The following NSUN6 variants were observed in gnomAD, a reference collection of about 807,000 sequenced individuals.
NSUN6 encodes the protein tRNA (cytosine(72)-C(5))-methyltransferase NSUN6.
NSUN6 carries 64 observed loss-of-function variants against 58.0 expected under a neutral mutation model. The ratio of observed to expected loss-of-function variants is 1.10; its 90% CI spans 0.90 to 1.36. The LOEUF (loss-of-function observed/expected upper bound fraction) is 1.36. Among genes scored for constraint, NSUN6 ranks in the 40% most tolerant of loss-of-function variants. The pLI is 0.00. For missense variants in NSUN6, 701 were observed against 550.1 expected (o/e 1.27, Z -2.74); for synonymous variants, 231 against 193.9 (o/e 1.19, Z -1.59).
At chr10:18,647,787 T>C (rs996768111) in intron 2 of NSUN6, among the ~76,000 whole-genome samples, 1 of 138,896 alleles carries the variant, frequency 7.2e-6, no homozygotes, top group South Asian at 2.3e-4. Flanking sequence ...CAGGCTGGAG[T>C]GCAGTCATGC....
chr10:18,623,837 G>A (rs12778035), intron 3 of NSUN6, among the ~76,000 whole-genome samples: 1 of 151,930 alleles, frequency 6.6e-6, no homozygotes, highest in African/African-American at 2.4e-5. Flanking sequence ...AGAGAGCCTC[G>A]GCTCTGCTCA....
At chr10:18,577,162 T>C (rs944290737) in intron 8 of NSUN6, among the ~76,000 whole-genome samples, 3 of 152,172 alleles carry the variant, frequency 2.0e-5, no homozygotes, top group African/African-American at 7.2e-5. Context: ...ACTAGCCAGA[T>C]AGCTTGGGAA....
chr10:18,630,834 A>G (rs530170693), intron 3 of NSUN6, among the ~76,000 whole-genome samples: 1,990 of 152,246 alleles, frequency 0.013, 28 homozygotes, highest in Admixed American at 0.021. Flanking sequence ...ACAAGGAGGA[A>G]CTGGTACCAT....
intron 8 of NSUN6, among the ~76,000 whole-genome samples, chr10:18,566,388 CCA>C (rs1328020474): frequency 9.9e-5 from 15 of 151,160 alleles, no homozygotes; most frequent in East Asian, 3.9e-4. Flanking sequence ...ATTCTCCATT[CCA>C]TTCTCCATTC....
At chr10:18,558,090 ATGGAGAATGGAATAGAGTGGAATGGAC>A (rs2055183228) in intron 8 of NSUN6, among the ~76,000 whole-genome samples, 1 of 150,972 alleles carries the variant, frequency 6.6e-6, no homozygotes, top group Non-Finnish European at 1.5e-5. Flanking sequence ...GGAATGAAGA[ATGGAGAATGGAATAGAGTGGAATGGAC>A]TGGAGAATGG....
chr10:18,617,583 T>G (rs2058458751), intron 3 of NSUN6, among the ~76,000 whole-genome samples: 1 of 152,124 alleles, frequency 6.6e-6, no homozygotes, highest in Non-Finnish European at 1.5e-5. Context: ...CAATAATCAG[T>G]TTTCCCTCAT....
chr10:18,583,725 A>T (rs967048471), intron 8 of NSUN6, among the ~76,000 whole-genome samples: 1 of 152,208 alleles, frequency 6.6e-6, no homozygotes, highest in Non-Finnish European at 1.5e-5. Context: ...TGAAAGTACA[A>T]TTCTTAAAAA....
rs1454619979 is a variant in NSUN6, at chr10:18,622,730, C to T, written c.312-6437G>A. ...GCCTTGGGGGGAAAAAGATGGAAATCGAGTAGGCTGAAAGAGAAGACAAAT... is the reference window on the plus strand; with the variant it reads ...GCCTTGGGGGGAAAAAGATGGAAATTGAGTAGGCTGAAAGAGAAGACAAAT... On this transcript the variant is annotated intron_variant, in intron 3 of 10. Coordinates refer to ENST00000377304, the MANE Select transcript of NSUN6 (RefSeq NM_182543.5). Among the ~76,000 whole-genome samples the T allele has an allele frequency of 4.6e-5, 7 of 152,012 alleles. 1 individual carries two copies. Among genetic ancestry groups the T allele is most frequent in the Admixed American group, 2.6e-4 (4 of 15,268 alleles).
At chr10:18,620,084 A>T (rs934169154) in intron 3 of NSUN6, among the ~76,000 whole-genome samples, 1 of 104,992 alleles carries the variant, frequency 9.5e-6, no homozygotes, top group African/African-American at 3.7e-5. Flanking sequence ...TTTTACTAAT[A>T]AAAAAAATTT....
chr10:18,577,536 C>G (rs1261443000), intron 8 of NSUN6, among the ~76,000 whole-genome samples: 1 of 152,130 alleles, frequency 6.6e-6, no homozygotes, highest in Non-Finnish European at 1.5e-5. Context: ...TAACTATCTC[C>G]ACCTTATCCA....
chr10:18,624,477 C>T (rs2131414483), intron 3 of NSUN6, among the ~76,000 whole-genome samples: 1 of 151,148 alleles, frequency 6.6e-6, no homozygotes, highest in South Asian at 2.1e-4. Flanking sequence ...AGATTGAGAC[C>T]ATCCTGGCTA....
At chr10:18,634,996 T>G (rs1033368008) in intron 3 of NSUN6, among the ~76,000 whole-genome samples, 6 of 151,986 alleles carry the variant, frequency 3.9e-5, no homozygotes, top group African/African-American at 1.2e-4. Context: ...TAAATAAGAG[T>G]GGCTCACAAT....
At chr10:18,658,875 C>G (rs972280658), upstream of NSUN6, among the ~76,000 whole-genome samples, 3 of 152,020 alleles carry the variant, frequency 2.0e-5, no homozygotes, top group African/African-American at 4.8e-5. Flanking sequence ...AATGCATAAG[C>G]CAATGAATGA....
intron 3 of NSUN6, among the ~76,000 whole-genome samples, chr10:18,620,982 G>C (rs1352786084): frequency 2.0e-5 from 3 of 152,220 alleles, no homozygotes; most frequent in Non-Finnish European, 4.4e-5. Flanking sequence ...AACATAGTAG[G>C]CCTGATCTGT....
intron 6 of NSUN6, among the ~76,000 whole-genome samples, chr10:18,599,724 T>A (rs766665970): frequency 6.6e-6 from 1 of 152,210 alleles, no homozygotes; most frequent in African/African-American, 2.4e-5. Flanking sequence ...GAGTATTTAT[T>A]GAATGCTCCC....
chr10:18,573,948 A>G (rs113833251), intron 8 of NSUN6, among the ~76,000 whole-genome samples: 30 of 152,112 alleles, frequency 2.0e-4, no homozygotes, highest in African/African-American at 7.0e-4. Flanking sequence ...TTTGCCCAGG[A>G]GAAGCCTAAC....
At chr10:18,635,562 T>C (rs565672919) in intron 3 of NSUN6, among the ~76,000 whole-genome samples, 73 of 152,118 alleles carry the variant, frequency 4.8e-4, no homozygotes, top group Non-Finnish European at 7.2e-4. Context: ...ATAGGCTGAG[T>C]GTGGTGGCTC....
intron 7 of NSUN6, among the ~76,000 whole-genome samples, chr10:18,586,964 G>C (rs998707433): frequency 6.6e-6 from 1 of 152,154 alleles, no homozygotes; most frequent in Non-Finnish European, 1.5e-5. Context: ...TCGACAGAAA[G>C]GTTCTCCAAG....
chr10:18,574,308 G>T (rs958015065), intron 8 of NSUN6, among the ~76,000 whole-genome samples: 1 of 152,050 alleles, frequency 6.6e-6, no homozygotes, highest in Non-Finnish European at 1.5e-5. Context: ...CAGAGAGCAG[G>T]GAGATGGCTT....
Sources: gnomAD v4.1 joint callset for allele counts (sites outside exome capture counted in the v4.1 genomes callset) on GRCh38, gnomAD v4.1.1 for gene constraint, MANE v1.5 for transcripts, NCBI Gene and HGNC (gene_info 2026-07-23, HGNC 2026-07-21) for gene names.